Variants in PTGER3 observed in about 807,000 individuals in gnomAD.
The protein encoded by PTGER3 is prostaglandin E receptor 3.
In PTGER3, 22 loss-of-function variants were observed where a neutral mutation model predicts 34.7. That is an observed-to-expected ratio of 0.63 (90% CI 0.45 to 0.91). PTGER3 has a LOEUF of 0.91. Ranked by LOEUF, PTGER3 falls within the 40% of genes least tolerant of loss-of-function variation. The pLI, the probability that PTGER3 is intolerant of heterozygous loss-of-function variation, is 0.00. For synonymous variants in PTGER3, 241 were observed against 230.1 expected (o/e 1.05, Z -0.43); for missense variants, 468 against 519.4 (o/e 0.90, Z 0.96).
chr1:70,983,571 C>T (rs1036892766), intron 2 of PTGER3, among the ~76,000 whole-genome samples: 2 of 152,092 alleles, frequency 1.3e-5, no homozygotes, highest in African/African-American at 4.8e-5. Flanking sequence ...AGCACAATGC[C>T]TGACACTGAG....
chr1:70,872,505 C>A (rs1288991717), intron 4 of PTGER3, among the ~76,000 whole-genome samples: 1 of 152,152 alleles, frequency 6.6e-6, no homozygotes, highest in Non-Finnish European at 1.5e-5. Flanking sequence ...ACAGCTATTG[C>A]TCGCAACTTA....
intron 4 of PTGER3, among the ~76,000 whole-genome samples, chr1:70,866,802 A>G (rs1646051588): frequency 6.6e-6 from 1 of 152,090 alleles, no homozygotes; most frequent in Non-Finnish European, 1.5e-5. Flanking sequence ...TGGAACTGTA[A>G]CTCCAATCTG....
rs1346590573 is a variant in PTGER3 at position 71,038,433 on chromosome 1, T to A, written c.897+8248A>T. On this transcript the variant is annotated intron_variant, in intron 1 of 3. Coordinates refer to ENST00000306666, the MANE Select transcript of PTGER3 (RefSeq NM_198719.2). ...TGGAGAATTTATCTTGTATCTATAT[T>A]GCACAACTTTTGCCTAAATTAGTAG... Among the ~76,000 whole-genome samples, 3 of 152,214 alleles carry A rather than the reference T, an allele frequency of 2.0e-5. No homozygotes were observed. In the East Asian group the frequency reaches 5.8e-4, roughly 29 times the overall value.
intron 1 of PTGER3, among the ~76,000 whole-genome samples, chr1:71,031,876 T>G (rs571544973): frequency 6.7e-4 from 102 of 152,330 alleles, no homozygotes; most frequent in Admixed American, 6.6e-3. Context: ...TATTGATCTG[T>G]AGCAAAATTT....
chr1:70,907,346 A>G (rs1646970626), intron 4 of PTGER3, among the ~76,000 whole-genome samples: 1 of 152,266 alleles, frequency 6.6e-6, no homozygotes, highest in Admixed American at 6.5e-5. Flanking sequence ...TGAGAATTAC[A>G]AGGACAGTGG....
intron 2 of PTGER3, chr1:71,009,435 T>G: frequency 9.2e-6 from 9 of 981,738 alleles, no homozygotes; most frequent in Non-Finnish European, 1.1e-5. Context: ...TAGGTTAACT[T>G]GGTAAATATT....
intron 2 of PTGER3, chr1:71,010,858 T>G (rs1471281897): frequency 1.0e-6 from 1 of 984,870 alleles, no homozygotes; most frequent in Non-Finnish European, 1.2e-6. Flanking sequence ...ATAGACATAT[T>G]GTACCTATCA....
chr1:70,932,383 T>A (rs1370460783), intron 4 of PTGER3, among the ~76,000 whole-genome samples: 1 of 152,194 alleles, frequency 6.6e-6, no homozygotes, highest in African/African-American at 2.4e-5. Context: ...TTTTTGGGTA[T>A]CTTTTCAGCA....
At chr1:70,916,972 G>A (rs189720801) in intron 4 of PTGER3, among the ~76,000 whole-genome samples, 109 of 151,824 alleles carry the variant, frequency 7.2e-4, no homozygotes, top group Middle Eastern at 3.4e-3. Context: ...ATGATATAAC[G>A]GTCAAATTGT....
At chr1:70,979,877 C>T (rs1654089563) in intron 2 of PTGER3, among the ~76,000 whole-genome samples, 1 of 152,160 alleles carries the variant, frequency 6.6e-6, no homozygotes, top group Non-Finnish European at 1.5e-5. Context: ...AGCACTGCTT[C>T]TTGAATCTTC....
intron 4 of PTGER3, among the ~76,000 whole-genome samples, chr1:70,908,718 T>C (rs544387664): frequency 6.6e-5 from 10 of 152,166 alleles, no homozygotes; most frequent in Non-Finnish European, 1.3e-4. Flanking sequence ...TGCCCCAAGA[T>C]TTCCACTTCC....
intron 4 of PTGER3, among the ~76,000 whole-genome samples, chr1:70,857,839 A>G (rs1030359885): frequency 6.6e-6 from 1 of 152,156 alleles, no homozygotes; most frequent in Non-Finnish European, 1.5e-5. Context: ...AACCTAAACT[A>G]TGTATTCTTG....
At chr1:70,897,899 C>G (rs1646755431) in intron 4 of PTGER3, among the ~76,000 whole-genome samples, 1 of 152,136 alleles carries the variant, frequency 6.6e-6, no homozygotes, top group African/African-American at 2.4e-5. Flanking sequence ...AAAAAGGCTG[C>G]ATTTCCTTGT....
At chr1:70,952,932 C>A in exon 4 of PTGER3, 1 of 1,611,814 alleles carries the variant, frequency 6.2e-7, no homozygotes, top group Non-Finnish European at 8.5e-7. Flanking sequence ...TGTTGAGATT[C>A]TGGTGTACAC....
chr1:71,008,747 TA>T lies in PTGER3; in HGVS notation c.1077+3557del, dbSNP rs1451384127. 7 of 972,214 alleles carry T rather than the reference TA, an allele frequency of 7.2e-6. No homozygotes were observed. In the African/African-American group the frequency reaches 1.2e-4, roughly 17 times the overall value. 60.2% of individuals were successfully genotyped at this position (972,214 alleles called of 1,614,324 possible). On this transcript the variant is annotated intron_variant, in intron 2 of 3. Coordinates refer to ENST00000306666, the MANE Select transcript of PTGER3 (RefSeq NM_198719.2). ...ACAGATTTTGAGATATGTAAACATA[TA>T]AAACAAGCAATAAACAAGCAGCTGT...
chr1:70,894,309 C>T (rs200886651), intron 4 of PTGER3, among the ~76,000 whole-genome samples: 1 of 46,722 alleles, frequency 2.1e-5, no homozygotes, highest in South Asian at 1.8e-3. Flanking sequence ...AACTCCATCT[C>T]AAAAAAAAAA....
At chr1:70,984,324 T>G (rs950051239) in intron 2 of PTGER3, among the ~76,000 whole-genome samples, 1 of 151,360 alleles carries the variant, frequency 6.6e-6, no homozygotes, top group Non-Finnish European at 1.5e-5. Context: ...GAGATGGAGA[T>G]TGCAGTGAGC....
chr1:70,881,385 C>T (rs1286229069), intron 4 of PTGER3, among the ~76,000 whole-genome samples: 1 of 152,186 alleles, frequency 6.6e-6, no homozygotes, highest in Non-Finnish European at 1.5e-5. Context: ...TCATTTCTAT[C>T]CGTATTCTGA....
intron 1 of PTGER3, among the ~76,000 whole-genome samples, chr1:71,040,489 A>G (rs1369789119): frequency 1.3e-5 from 2 of 151,744 alleles, no homozygotes; most frequent in African/African-American, 2.4e-5. Flanking sequence ...CATGCCTGTA[A>G]CCCCAGCTAC....
Sources: gnomAD v4.1 joint callset for allele counts (sites outside exome capture counted in the v4.1 genomes callset) on GRCh38, gnomAD v4.1.1 for gene constraint, MANE v1.5 for transcripts, NCBI Gene and HGNC (gene_info 2026-07-23, HGNC 2026-07-21) for gene names.